UBR4: variants seen among roughly 807,000 people sequenced by gnomAD.
UBR4 encodes the protein E3 ubiquitin-protein ligase UBR4.
UBR4 carries 124 observed loss-of-function variants against 575.6 expected under a neutral mutation model. The ratio of observed to expected loss-of-function variants is 0.22; its 90% CI spans 0.19 to 0.25. The LOEUF (loss-of-function observed/expected upper bound fraction) is 0.25, where lower values mean the gene tolerates loss of function less well. Ranked by LOEUF, UBR4 falls within the 10% of genes least tolerant of loss-of-function variation. The pLI is 1.00. For synonymous variants in UBR4, 2,455 were observed against 2,473.7 expected (o/e 0.99, Z 0.22); for missense variants, 4,818 against 6,478.8 (o/e 0.74, Z 8.80).
chr1:19,136,269 A>G (rs1303453665), intron 60 of UBR4, among the ~76,000 whole-genome samples: 1 of 152,234 alleles, frequency 6.6e-6, no homozygotes, highest in Non-Finnish European at 1.5e-5. Context: ...AGAAAATGGT[A>G]AACATATGAG....
At chr1:19,131,731 G>C (rs2082480658) in intron 60 of UBR4, among the ~76,000 whole-genome samples, 1 of 152,054 alleles carries the variant, frequency 6.6e-6, no homozygotes, top group South Asian at 2.1e-4. Flanking sequence ...AAATTAGCCG[G>C]GCGTGGTCAC....
At chr1:19,170,974 T>A in intron 25 of UBR4, 91 bp from the exon 26 acceptor site, 2 of 1,565,988 alleles carry the variant, frequency 1.3e-6, no homozygotes, top group Admixed American at 1.8e-5. Flanking sequence ...AAACCCTATA[T>A]CTCAGTTTCC....
intron 53 of UBR4, among the ~76,000 whole-genome samples, chr1:19,145,577 A>T (rs2084755306): frequency 6.7e-6 from 1 of 149,896 alleles, no homozygotes; most frequent in Non-Finnish European, 1.5e-5. Context: ...AACCCCGATG[A>T]AAAGATATGG....
intron 71 of UBR4, chr1:19,118,644 G>C: frequency 1.8e-6 from 1 of 555,374 alleles, no homozygotes; most frequent in Non-Finnish European, 3.2e-6. Flanking sequence ...AGGCTATACA[G>C]ACCTTTCTAC....
In UBR4 at chr1:19,140,855, T is replaced by G. The variant is rs759342877; in HGVS notation, c.8526A>C (p.Gly2842=). ...AAGAGCTGGGTGCCTGGCCGGACAGTCCCAGGCTCTGCAGGCCCAGGGCAC... is the reference window on the plus strand; with the variant it reads ...AAGAGCTGGGTGCCTGGCCGGACAGGCCCAGGCTCTGCAGGCCCAGGGCAC... ...SSSALGLQSL[G]LSGQAPSSSS... is the part of the protein sequence containing the mutation. Residue 2842 remains glycine, a synonymous_variant, in exon 58 of 106, where the codon GGA becomes GGC. Transcript: ENST00000375254. The G allele has an allele frequency of 6.2e-7, 1 of 1,612,446 alleles. No individual in the cohort carries two copies. The highest frequency in any genetic ancestry group is 8.5e-7 in the Non-Finnish European group (1 of 1,179,778).
At chr1:19,164,118 T>TA in intron 33 of UBR4, 135 bp downstream of exon 33, 1 of 1,015,776 alleles carries the variant, frequency 9.8e-7, no homozygotes, top group Non-Finnish European at 1.4e-6. Context: ...AGCTATTTGC[T>TA]ACCCACCCAA....
chr1:19,169,571 AGAAG>A, intron 26 of UBR4, 39 bp from the exon 27 acceptor site: 1 of 1,574,364 alleles, frequency 6.4e-7, no homozygotes, highest in Non-Finnish European at 8.7e-7. Flanking sequence ...ATCACAAGAA[AGAAG>A]GAACGACACA....
chr1:19,136,091 T>C (rs1280439945), intron 60 of UBR4, among the ~76,000 whole-genome samples: 2 of 151,940 alleles, frequency 1.3e-5, no homozygotes, highest in Non-Finnish European at 2.9e-5. Flanking sequence ...TTTATACCCA[T>C]CAAAAATACA....
At chr1:19,161,926 G>A (rs760029849) in intron 35 of UBR4, 29 bp from the exon 36 acceptor site, 14 of 1,612,330 alleles carry the variant, frequency 8.7e-6, no homozygotes, top group East Asian at 6.7e-5. Flanking sequence ...TTTTTAATTC[G>A]AAATATATCC....
At chr1:19,112,347 A>G (rs1175115767) in intron 78 of UBR4, 177 bp downstream of exon 78, 6 of 675,100 alleles carry the variant, frequency 8.9e-6, no homozygotes, top group African/African-American at 5.5e-5. Flanking sequence ...CTGGGTTTCA[A>G]TGCTCCCCAA....
rs576202866 is a variant in UBR4, at chr1:19,191,880, C to A, written c.1394+308G>T. On this transcript the variant is annotated intron_variant, in intron 11 of 105. Coordinates refer to ENST00000375254, the MANE Select transcript of UBR4 (RefSeq NM_020765.3). Reference sequence around the variant, plus strand: ...AGTACTCAACTCCAAGTCAAACAAGCCCGCTTTACAAGACAGAAACATGTT... The same window carrying A: ...AGTACTCAACTCCAAGTCAAACAAGACCGCTTTACAAGACAGAAACATGTT... Among the ~76,000 whole-genome samples the A allele has an allele frequency of 2.0e-5, 3 of 152,294 alleles. No homozygotes were observed. In the South Asian group the frequency reaches 6.2e-4, roughly 32 times the overall value.
rs751372766 is a variant in UBR4 at position 19,086,170 on chromosome 1, A to T, written c.14788T>A (p.Ser4930Thr). 1 of 1,614,054 alleles carries T rather than the reference A, an allele frequency of 6.2e-7. No homozygotes were observed. The highest frequency in any genetic ancestry group is 8.5e-7 in the Non-Finnish European group (1 of 1,180,022). ...LPVWGPHVPE[S>T]AFATCLARHN... ...CTTGCCAAGCAAGTGGCAAAAGCTG[A>T]TTCAGGGACATGAGGTCCCCAGACC... The change falls in exon 101 of 106, where the codon TCA (serine) becomes ACA (threonine). Residue 4930 changes from serine to threonine, a missense_variant. Transcript: ENST00000375254.
rs143181177 is a variant in UBR4, at chr1:19,189,720, A to G, written c.1395-2180T>C. ...TTCTTTTAAAATATGAAGAAACAAC[A>G]GCCATTTTAAAAGCATAACTGCTAC... is the stretch of plus-strand genomic sequence containing the variant. On this transcript the variant is annotated intron_variant, in intron 11 of 105. Coordinates refer to ENST00000375254, the MANE Select transcript of UBR4 (RefSeq NM_020765.3). 2.6e-5 allele frequency among the ~76,000 whole-genome samples: 4 copies of G among 152,324 alleles called. No homozygotes were observed. In the East Asian group the frequency reaches 7.7e-4, roughly 29 times the overall value.
At chr1:19,163,713 T>G in intron 34 of UBR4, 51 bp downstream of exon 34, 87 of 1,584,686 alleles carry the variant, frequency 5.5e-5, no homozygotes, top group Non-Finnish European at 7.2e-5. Context: ...ACCACAGAGG[T>G]GAGAATCACC....
At position 19,141,726 on chromosome 1, in the gene UBR4, G is replaced by A; in HGVS notation, c.8231C>T (p.Ser2744Leu). 1.2e-6 allele frequency: 2 copies of A among 1,614,178 alleles called. No individual in the cohort carries two copies. The highest frequency in any genetic ancestry group is 1.7e-6 in the Non-Finnish European group (2 of 1,180,038). ...DDDADEKMQS[S>L]GIPNGGHIRQ... ...GATGTGACCACCATTCGGGATCCCT[G>A]ATGACTGCATTTTCTCATCTGCATC... The change falls in exon 56 of 106, where the codon TCA becomes TTA. Residue 2744 changes from serine (S) to leucine (L), a missense_variant. Coordinates refer to ENST00000375254, the MANE Select transcript of UBR4 (RefSeq NM_020765.3).
chr1:19,123,699 A>C (rs147863302), intron 65 of UBR4, among the ~76,000 whole-genome samples: 1 of 152,264 alleles, frequency 6.6e-6, no homozygotes, highest in East Asian at 1.9e-4. Context: ...AACCATTCCA[A>C]ATCTCTTTTT....
chr1:19,168,675 G>A (rs779859144), intron 27 of UBR4, among the ~76,000 whole-genome samples: 1 of 152,132 alleles, frequency 6.6e-6, no homozygotes, highest in African/African-American at 2.4e-5. Flanking sequence ...TAAGTTAACT[G>A]ACAGAAGACT....
Position 19,164,936 on chromosome 1 carries a change from A to G in UBR4, c.4374T>C (p.Cys1458=). The change falls in exon 32 of 106, where the codon TGT becomes TGC. Residue 1458 remains cysteine, a synonymous_variant. Coordinates refer to ENST00000375254, the MANE Select transcript of UBR4 (RefSeq NM_020765.3). ...HLCGSLAQLA[C]VEPVRLQAWL... ...AGGCCTGCAGGCGCACAGGTTCCAC[A>G]CAGGCCAGTTGTGCCAGGGAGCCAC... 1 of 1,614,184 alleles carries G rather than the reference A, an allele frequency of 6.2e-7. No homozygotes were observed. The highest frequency in any genetic ancestry group is 1.3e-5 in the African/African-American group (1 of 75,040).
rs34763225 is a variant in UBR4, at chr1:19,092,909, G to C, written c.14121C>G (p.Ala4707=). ...GAGACAAAAACTTTTTCCAGATGTC[G>C]GCATCCAAACTGCAAAGCAAAGGAA... ...KHIPSAKNLD[A]DIWKKFLSRP... The change falls in exon 97 of 106, where the codon GCC becomes GCG. Residue 4707 remains alanine, a synonymous_variant. Coordinates refer to ENST00000375254, the MANE Select transcript of UBR4 (RefSeq NM_020765.3). 48 of 1,612,970 alleles carry C rather than the reference G, an allele frequency of 3.0e-5. No individual in the cohort carries two copies. The highest frequency in any genetic ancestry group is 4.0e-5 in the Non-Finnish European group (47 of 1,179,702).
Sources: gnomAD v4.1 joint callset for allele counts (sites outside exome capture counted in the v4.1 genomes callset) on GRCh38, gnomAD v4.1.1 for gene constraint, MANE v1.5 for transcripts, NCBI Gene and HGNC (gene_info 2026-07-23, HGNC 2026-07-21) for gene names.